Variants in SCMH1 observed in about 807,000 individuals in gnomAD.
SCMH1 encodes Scm polycomb group protein homolog 1, also known as polycomb protein SCMH1.
In SCMH1, 37 loss-of-function variants were observed where a neutral mutation model predicts 70.8. The observed-to-expected ratio is 0.52, with a 90% CI of 0.40 to 0.69. SCMH1 has a LOEUF of 0.69. SCMH1 is among the 30% of genes least tolerant of loss of function. SCMH1 has a pLI of 0.00. For missense variants in SCMH1, 607 were observed against 827.3 expected (o/e 0.73, Z 3.27); for synonymous variants, 292 against 307.4 (o/e 0.95, Z 0.52).
At chr1:41,178,890 A>G (rs975457343) in intron 2 of SCMH1, among the ~76,000 whole-genome samples, 2 of 152,242 alleles carry the variant, frequency 1.3e-5, no homozygotes, top group African/African-American at 4.8e-5. Flanking sequence ...CAGACCTAAC[A>G]GACATCTGCA....
intron 10 of SCMH1, among the ~76,000 whole-genome samples, chr1:41,063,408 A>G (rs1011312863): frequency 2.7e-5 from 4 of 150,934 alleles, no homozygotes; most frequent in African/African-American, 9.8e-5. Flanking sequence ...GGGAGGTGGA[A>G]GTTGCAGTGA....
At chr1:41,032,537 T>C (rs528569398) in intron 13 of SCMH1, among the ~76,000 whole-genome samples, 46 of 152,290 alleles carry the variant, frequency 3.0e-4, no homozygotes, top group African/African-American at 1.1e-3. Context: ...CAGAGGACCC[T>C]GTACACCATG....
chr1:41,161,533 A>C (rs1238893286), intron 2 of SCMH1, 101 bp from the exon 3 acceptor site: 1 of 1,299,042 alleles, frequency 7.7e-7, no homozygotes, highest in African/African-American at 1.5e-5. Context: ...AAAGTAATCC[A>C]CTTCCGAGAT....
intron 2 of SCMH1, among the ~76,000 whole-genome samples, chr1:41,183,371 A>C (rs1313234242): frequency 6.6e-6 from 1 of 152,230 alleles, no homozygotes; most frequent in Non-Finnish European, 1.5e-5. Flanking sequence ...ATCAATCCCT[A>C]AACTGTATCC....
intron 1 of SCMH1, among the ~76,000 whole-genome samples, chr1:41,238,753 A>G (rs1253936121): frequency 6.6e-6 from 1 of 152,190 alleles, no homozygotes; most frequent in African/African-American, 2.4e-5. Context: ...GAACAGTCCC[A>G]ATATCAGACA....
At chr1:41,100,221 G>A (rs964063514) in intron 8 of SCMH1, among the ~76,000 whole-genome samples, 1 of 152,124 alleles carries the variant, frequency 6.6e-6, no homozygotes, top group Non-Finnish European at 1.5e-5. Context: ...AGAATACTAA[G>A]TTTATCAAAA....
chr1:41,039,012 G>T (rs904965172), intron 12 of SCMH1, among the ~76,000 whole-genome samples: 1 of 152,224 alleles, frequency 6.6e-6, no homozygotes, highest in African/African-American at 2.4e-5. Context: ...GGAACTTTAT[G>T]AATGTGAAAA....
chr1:41,214,345 T>G (rs978869481), intron 1 of SCMH1, among the ~76,000 whole-genome samples: 1 of 152,112 alleles, frequency 6.6e-6, no homozygotes, highest in Non-Finnish European at 1.5e-5. Flanking sequence ...AATATAACAA[T>G]ATACAATAAT....
At chr1:41,125,285 C>T (rs964959403) in intron 6 of SCMH1, among the ~76,000 whole-genome samples, 7 of 151,932 alleles carry the variant, frequency 4.6e-5, no homozygotes, top group African/African-American at 1.2e-4. Context: ...GCGAGATCTC[C>T]GCTCACTGCA....
intron 8 of SCMH1, chr1:41,099,158 A>G: frequency 4.5e-6 from 1 of 219,810 alleles, no homozygotes; most frequent in South Asian, 7.7e-5. Context: ...GCTAATTCTA[A>G]ATGTATATAT....
chr1:41,089,177 T>C (rs1215640118), intron 8 of SCMH1, among the ~76,000 whole-genome samples: 1 of 152,238 alleles, frequency 6.6e-6, no homozygotes, highest in Non-Finnish European at 1.5e-5. Context: ...AATTAAAACT[T>C]CCAAGTTTAT....
chr1:41,066,104 G>A (rs778680046), intron 10 of SCMH1, among the ~76,000 whole-genome samples: 2 of 152,118 alleles, frequency 1.3e-5, no homozygotes, highest in African/African-American at 2.4e-5. Context: ...CATTCCTGGC[G>A]CTGCTAGGCC....
chr1:41,046,360 C>A, intron 12 of SCMH1, 47 bp downstream of exon 12: 3 of 1,560,080 alleles, frequency 1.9e-6, no homozygotes, highest in Non-Finnish European at 2.6e-6. Flanking sequence ...GGTGCTGCTG[C>A]TAGCCCTGTC....
intron 13 of SCMH1, among the ~76,000 whole-genome samples, chr1:41,032,352 AATG>A (rs1455763782): frequency 6.6e-6 from 1 of 152,188 alleles, no homozygotes; most frequent in Non-Finnish European, 1.5e-5. Context: ...ATGTCTCCGA[AATG>A]ATGAAATTTG....
intron 1 of SCMH1, among the ~76,000 whole-genome samples, chr1:41,188,119 AT>A (rs1650746974): frequency 6.6e-6 from 1 of 152,246 alleles, no homozygotes; most frequent in Non-Finnish European, 1.5e-5. Context: ...AGTAACGTGA[AT>A]CCTCAAAATG....
intron 1 of SCMH1, among the ~76,000 whole-genome samples, chr1:41,232,008 T>C (rs907138388): frequency 1.1e-4 from 16 of 144,268 alleles, no homozygotes; most frequent in African/African-American, 4.1e-4. Flanking sequence ...AGGGTGACAG[T>C]GCAAGACTGT....
intron 1 of SCMH1, among the ~76,000 whole-genome samples, chr1:41,211,725 AC>A (rs1657069111): frequency 6.6e-6 from 1 of 152,260 alleles, no homozygotes; most frequent in Non-Finnish European, 1.5e-5. Flanking sequence ...ACATATGTTT[AC>A]TGTGGCACTA....
intron 6 of SCMH1, among the ~76,000 whole-genome samples, chr1:41,135,500 C>T (rs1643143997): frequency 6.6e-6 from 1 of 152,134 alleles, no homozygotes; most frequent in Non-Finnish European, 1.5e-5. Context: ...TTTCCTGCTG[C>T]CCTGTGAAGA....
intron 1 of SCMH1, among the ~76,000 whole-genome samples, chr1:41,192,426 T>C (rs1651923049): frequency 6.6e-6 from 1 of 151,814 alleles, no homozygotes; most frequent in African/African-American, 2.4e-5. Flanking sequence ...GTGCCTGAGT[T>C]TCCTCCGCAG....
Sources: gnomAD v4.1 joint callset for allele counts (sites outside exome capture counted in the v4.1 genomes callset) on GRCh38, gnomAD v4.1.1 for gene constraint, MANE v1.5 for transcripts, NCBI Gene and HGNC (gene_info 2026-07-23, HGNC 2026-07-21) for gene names.